The following TNFRSF11B variants were observed in gnomAD, a reference collection of about 807,000 sequenced individuals.
TNFRSF11B encodes tumor necrosis factor receptor superfamily member 11B.
Under a neutral mutation model 43.4 loss-of-function variants are expected in TNFRSF11B, and 16 were observed. The observed-to-expected ratio is 0.37, with a 90% CI of 0.25 to 0.56. TNFRSF11B has a LOEUF of 0.56. Ranked by LOEUF, TNFRSF11B falls within the 20% of genes least tolerant of loss-of-function variation. The probability of loss-of-function intolerance (pLI) is 0.80; values close to 1 mark genes in which losing one functional copy is unlikely to be tolerated. For synonymous variants in TNFRSF11B, 185 were observed against 181.8 expected, an observed-to-expected ratio of 1.02 and a Z score of -0.14; for missense variants, 444 against 490.1, an observed-to-expected ratio of 0.91 and a Z score of 0.89.
At chr8:118,926,927 T>C (rs1324239733) in intron 3 of TNFRSF11B, among the ~76,000 whole-genome samples, 2 of 152,230 alleles carry the variant, frequency 1.3e-5, no homozygotes, top group South Asian at 2.1e-4. Flanking sequence ...ATGTTCTTTT[T>C]TGGGCATTGT....
chr8:118,938,748 A>G (rs1161473429), intron 1 of TNFRSF11B, among the ~76,000 whole-genome samples: 1 of 152,168 alleles, frequency 6.6e-6, no homozygotes, highest in African/African-American at 2.4e-5. Context: ...TGAGTTGAAA[A>G]TTTATCAGAT....
At chr8:118,933,396 C>T (rs1586956074) in intron 1 of TNFRSF11B, 96 bp from the exon 2 acceptor site, 1 of 1,565,058 alleles carries the variant, frequency 6.4e-7, no homozygotes, top group African/African-American at 1.4e-5. Context: ...TCCTGTATTA[C>T]CTTAAGCCTA....
In TNFRSF11B at chr8:118,948,769, CAACAAAAA is replaced by C. The variant is rs1308560805; in HGVS notation, c.30+3015_30+3022del. Among the ~76,000 whole-genome samples, 3 of 138,294 alleles carry C rather than the reference CAACAAAAA, an allele frequency of 2.2e-5. No individual in the cohort carries two copies. The Admixed American group carries it at 2.2e-4, about 10-fold the overall frequency. 90.7% of individuals were successfully genotyped at this position (138,294 alleles called of 152,430 possible). A position where few individuals can be genotyped will look rare whatever the true frequency, so the allele number is the denominator to read the frequency against. ...GAGTATTCATTCTCTTAAAACAAAACAACAAAAAAACAAACAAACAAACAAAAAAAAAC... is the reference window on the plus strand; with the variant it reads ...GAGTATTCATTCTCTTAAAACAAAACAACAAACAAACAAACAAAAAAAAAC... On this transcript the variant is annotated intron_variant, in intron 1 of 4. Coordinates refer to ENST00000297350, the MANE Select transcript of TNFRSF11B (RefSeq NM_002546.4).
At position 118,924,352 on chromosome 8, in the gene TNFRSF11B, A is replaced by G. The variant is rs11573943; in HGVS notation, c.*22T>C. On this transcript the variant is annotated 3_prime_UTR_variant, in exon 5 of 5. Transcript: ENST00000297350. ...ATGGGATCTCGCCAATTGTGAGGAA[A>G]CAGCTCAATGGCCATTTCCAGTTAT... 5.4e-4 allele frequency: 874 copies of G among 1,613,628 alleles called. 1 individual carries two copies. In the African/African-American group the frequency reaches 9.4e-3, roughly 17 times the overall value.
At chr8:118,937,029 A>G (rs1812415213) in intron 1 of TNFRSF11B, among the ~76,000 whole-genome samples, 1 of 152,116 alleles carries the variant, frequency 6.6e-6, no homozygotes, top group South Asian at 2.1e-4. Context: ...TGAAGCCTCC[A>G]TTCCTCTTTT....
At chr8:118,929,073 C>T (rs913054410) in intron 2 of TNFRSF11B, 144 bp from the exon 3 acceptor site, 2 of 761,442 alleles carry the variant, frequency 2.6e-6, no homozygotes, top group South Asian at 1.7e-5. Flanking sequence ...TTTCATTTTT[C>T]ACTTCATTAG....
chr8:118,940,295 G>A (rs1380836162), intron 1 of TNFRSF11B, among the ~76,000 whole-genome samples: 2 of 152,116 alleles, frequency 1.3e-5, no homozygotes, highest in East Asian at 1.9e-4. Context: ...AAACCTGCAC[G>A]TTGTGCACAT....
chr8:118,931,798 C>CCACAA (rs1479403139), intron 2 of TNFRSF11B, among the ~76,000 whole-genome samples: 2 of 152,176 alleles, frequency 1.3e-5, no homozygotes, highest in African/African-American at 4.8e-5. Flanking sequence ...ATAATTTAGA[C>CCACAA]TTTGTATATC....
At position 118,933,320 on chromosome 8, in the gene TNFRSF11B, CAG is replaced by C; in HGVS notation, c.31-22_31-21del. The C allele has an allele frequency of 6.2e-7, 1 of 1,612,122 alleles. No homozygotes were observed. The highest frequency in any genetic ancestry group is 8.5e-7 in the Non-Finnish European group (1 of 1,180,016). On this transcript the variant is annotated intron_variant, in intron 1 of 4. Coordinates refer to ENST00000297350, the MANE Select transcript of TNFRSF11B (RefSeq NM_002546.4). ...CAGAAACTAGAAGGAGAAAGGAACACAGTGGCATCATCTTAGCATGAAAATAG... is the reference window on the plus strand; with the variant it reads ...CAGAAACTAGAAGGAGAAAGGAACACTGGCATCATCTTAGCATGAAAATAG...
Position 118,933,044 on chromosome 8 carries a change from T to C in TNFRSF11B, c.287A>G (p.Glu96Gly). 1.2e-6 allele frequency: 2 copies of C among 1,614,178 alleles called. No individual in the cohort carries two copies. The highest frequency in any genetic ancestry group is 1.6e-4 in the Middle Eastern group (1 of 6,062). Reference sequence around the variant, plus strand: ...CACGCGGTTGTGGGTGCGATTGCACTCCTGCTTGACGTACTGCAGCTCCTT... The same window carrying C: ...CACGCGGTTGTGGGTGCGATTGCACCCCTGCTTGACGTACTGCAGCTCCTT... Reference protein sequence around the residue: ...VCKELQYVKQECNRTHNRVCE... With the variant: ...VCKELQYVKQGCNRTHNRVCE... Residue 96 changes from glutamate (E) to glycine (G), a missense_variant, in exon 2 of 5, where the codon GAG becomes GGG. By Grantham distance (98) the Glu-to-Gly change is moderately conservative. Coordinates refer to ENST00000297350, the MANE Select transcript of TNFRSF11B (RefSeq NM_002546.4).
intron 1 of TNFRSF11B, among the ~76,000 whole-genome samples, chr8:118,935,868 C>G (rs948682917): frequency 6.6e-6 from 1 of 152,092 alleles, no homozygotes; most frequent in African/African-American, 2.4e-5. Flanking sequence ...AGGTAGGAGT[C>G]CTGAAGTTTT....
At position 118,924,718 on chromosome 8, in the gene TNFRSF11B, C is replaced by A. The variant is rs1400153030; in HGVS notation, c.862G>T (p.Ala288Ser). The A allele has an allele frequency of 6.2e-7, 1 of 1,614,206 alleles. No individual in the cohort carries two copies. Among genetic ancestry groups the A allele is most frequent in the East Asian group, 2.2e-5 (1 of 44,882 alleles). Residue 288 changes from alanine (A) to serine (S), a missense_variant, in exon 5 of 5, where the codon GCT becomes TCT. Coordinates refer to ENST00000297350, the MANE Select transcript of TNFRSF11B (RefSeq NM_002546.4). ...ENSVQRHIGH[A>S]NLTFEQLRSL... Reference sequence around the variant, plus strand: ...CGAAGCTGCTCGAAGGTGAGGTTAGCATGTCCAATGTGCCGCTGCACGCTG... The same window carrying A: ...CGAAGCTGCTCGAAGGTGAGGTTAGAATGTCCAATGTGCCGCTGCACGCTG...
At chr8:118,934,063 A>T (rs1278066827) in intron 1 of TNFRSF11B, among the ~76,000 whole-genome samples, 1 of 152,194 alleles carries the variant, frequency 6.6e-6, no homozygotes, top group Non-Finnish European at 1.5e-5. Context: ...GGAGATTAAC[A>T]TTTCTAAGCA....
chr8:118,937,057 G>T (rs1259136225), intron 1 of TNFRSF11B, among the ~76,000 whole-genome samples: 1 of 151,984 alleles, frequency 6.6e-6, no homozygotes, highest in African/African-American at 2.4e-5. Flanking sequence ...GAAAGTTAAG[G>T]TTTCATCTCA....
rs200629343 is a variant in TNFRSF11B, at chr8:118,932,999, C to T, written c.332G>A (p.Arg111His). ...CAAGCAGAACTCTATCTCAAGGTAG[C>T]GCCCTTCCTTGCATTCGCACACGCG... Reference protein sequence around the residue: ...HNRVCECKEGRYLEIEFCLKH... With the variant: ...HNRVCECKEGHYLEIEFCLKH... The change falls in exon 2 of 5, where the codon CGC (arginine) becomes CAC (histidine). Residue 111 changes from arginine (R) to histidine (H), a missense_variant. By Grantham distance (29) the Arg-to-His change is conservative. Transcript: ENST00000297350. 1.4e-4 allele frequency: 229 copies of T among 1,614,150 alleles called. No homozygotes were observed. The highest frequency in any genetic ancestry group is 1.8e-4 in the Non-Finnish European group (215 of 1,180,010).
intron 1 of TNFRSF11B, among the ~76,000 whole-genome samples, chr8:118,934,548 T>A (rs541705280): frequency 1.3e-5 from 2 of 152,076 alleles, no homozygotes; most frequent in Non-Finnish European, 2.9e-5. Context: ...GGGTGCCACT[T>A]GGAAGGAGAG....
intron 1 of TNFRSF11B, among the ~76,000 whole-genome samples, chr8:118,935,169 T>C (rs1422638883): frequency 1.3e-5 from 2 of 152,200 alleles, no homozygotes; most frequent in Non-Finnish European, 2.9e-5. Flanking sequence ...TGAGAGTTTC[T>C]AGTGAAAGCA....
intron 1 of TNFRSF11B, among the ~76,000 whole-genome samples, chr8:118,948,434 G>A (rs1209573245): frequency 6.6e-6 from 1 of 152,158 alleles, no homozygotes; most frequent in Non-Finnish European, 1.5e-5. Context: ...GTTGCCAAGA[G>A]CAAAACCCAG....
intron 1 of TNFRSF11B, among the ~76,000 whole-genome samples, chr8:118,947,215 G>T (rs1175146035): frequency 3.3e-5 from 1 of 29,978 alleles, no homozygotes; most frequent in East Asian, 1.3e-3. Context: ...GAACTATCTG[G>T]CAGTAAGCTA....
Sources: allele counts gnomAD v4.1 joint callset (sites outside exome capture counted in the v4.1 genomes callset), GRCh38; gene constraint gnomAD v4.1.1; transcripts MANE v1.5; gene names NCBI Gene and HGNC (gene_info 2026-07-23, HGNC 2026-07-21).